Variants in AMY2B observed in about 807,000 individuals in gnomAD.
AMY2B encodes the protein amylase alpha 2B.
Under a neutral mutation model 59.3 loss-of-function variants are expected in AMY2B, and 63 were observed. The ratio of observed to expected loss-of-function variants is 1.06; its 90% CI spans 0.87 to 1.31. The LOEUF (loss-of-function observed/expected upper bound fraction) is 1.31. AMY2B is among the 50% of genes most tolerant of loss of function. The probability of loss-of-function intolerance (pLI) is 0.00; values close to 1 mark genes in which losing one functional copy is unlikely to be tolerated. For synonymous variants in AMY2B, 180 were observed against 198.1 expected (o/e 0.91, Z 0.77); for missense variants, 635 against 626.7 (o/e 1.01, Z -0.14).
upstream of AMY2B, among the ~76,000 whole-genome samples, chr1:103,566,768 C>T (rs983074953): frequency 6.6e-6 from 1 of 152,138 alleles, no homozygotes; most frequent in African/African-American, 2.4e-5. Context: ...CTGTCTGGGC[C>T]TTAGTTCCAA....
rs184920288 is a variant in AMY2B at position 103,554,875 on chromosome 1, A to G, written c.-441A>G. ...TAGTTAAAAAGATTTTGTAAATGTTATAAATCAGTTTCTTTATAAGCGGTT... is the reference window on the plus strand; with the variant it reads ...TAGTTAAAAAGATTTTGTAAATGTTGTAAATCAGTTTCTTTATAAGCGGTT... On this transcript the variant is annotated 5_prime_UTR_variant, in exon 1 of 12. Coordinates refer to the AMY2B transcript ENST00000361355. 17 of 152,600 alleles carry G rather than the reference A, an allele frequency of 1.1e-4. No individual in the cohort carries two copies. The East Asian group carries it at 2.7e-3, about 24-fold the overall frequency. The allele number at this position is 152,600 out of a possible 1,614,324, so 9.5% of individuals were successfully genotyped here.
chr1:103,566,961 A>G (rs1002233091), upstream of AMY2B, among the ~76,000 whole-genome samples: 5 of 152,206 alleles, frequency 3.3e-5, no homozygotes, highest in African/African-American at 7.2e-5. Flanking sequence ...GACAATGTCA[A>G]TCATTTTACT....
upstream of AMY2B, chr1:103,570,703 G>A (rs538408291): frequency 3.6e-6 from 2 of 555,178 alleles, no homozygotes; most frequent in Non-Finnish European, 7.2e-6. Flanking sequence ...GCTAGCAATT[G>A]CTTCATGGGT....
chr1:103,574,233 T>G (rs952940217), intron 4 of AMY2B, 27 bp from the exon 5 acceptor site: 1 of 1,611,548 alleles, frequency 6.2e-7, no homozygotes, highest in African/African-American at 1.3e-5. Context: ...TTATGCAAAA[T>G]GTTACTTTTT....
intron 9 of AMY2B, among the ~76,000 whole-genome samples, 156 bp downstream of exon 9, chr1:103,578,001 G>C (rs1218019756): frequency 6.6e-6 from 1 of 152,162 alleles, no homozygotes; most frequent in Non-Finnish European, 1.5e-5. Context: ...GTAAAAAGAT[G>C]ATGGCTGTTA....
intron 1 of AMY2B, 52 bp from the exon 2 acceptor site, chr1:103,572,058 T>C: frequency 6.2e-7 from 1 of 1,608,366 alleles, no homozygotes; most frequent in Non-Finnish European, 8.5e-7. Flanking sequence ...TCTAGAACAT[T>C]CAATGATATA....
At chr1:103,570,254 C>T (rs1273727463), upstream of AMY2B, 3 of 543,756 alleles carry the variant, frequency 5.5e-6, no homozygotes, top group Non-Finnish European at 1.1e-5. Flanking sequence ...TCCTCCTCCT[C>T]CCTGGAGAAG....
At chr1:103,566,907 G>A (rs1385108008), upstream of AMY2B, among the ~76,000 whole-genome samples, 1 of 152,004 alleles carries the variant, frequency 6.6e-6, no homozygotes, top group Non-Finnish European at 1.5e-5. Context: ...CACAATACCT[G>A]GAACCTAGAG....
At chr1:103,564,657 C>T (rs1384674894) in intron 1 of AMY2B, among the ~76,000 whole-genome samples, 2 of 152,054 alleles carry the variant, frequency 1.3e-5, no homozygotes, top group Non-Finnish European at 2.9e-5. Context: ...GTGTACACTG[C>T]CCTCTGTATA....
At chr1:103,562,915 T>C (rs768384453) in intron 1 of AMY2B, among the ~76,000 whole-genome samples, 1 of 152,010 alleles carries the variant, frequency 6.6e-6, no homozygotes, top group Non-Finnish European at 1.5e-5. Flanking sequence ...GGCTTTGAGC[T>C]AAATGATTAA....
intron 7 of AMY2B, chr1:103,575,745 G>T: frequency 1.4e-6 from 1 of 700,934 alleles, no homozygotes. Flanking sequence ...AGCCTTTTCA[G>T]ACATATGATA....
chr1:103,578,964 A>C (rs2101081539), intron 9 of AMY2B, among the ~76,000 whole-genome samples: 1 of 152,272 alleles, frequency 6.6e-6, no homozygotes. Context: ...TAACCCTTTA[A>C]ATTTTTAAAA....
upstream of AMY2B, chr1:103,569,818 C>A (rs1313510580): frequency 4.4e-6 from 2 of 453,378 alleles, no homozygotes; most frequent in Non-Finnish European, 8.9e-6. Context: ...GGCATCACAC[C>A]TTCTACAAGG....
rs752831735 is a variant in AMY2B, at chr1:103,575,410, T to A, written c.1002-31T>A. The A allele has an allele frequency of 5.6e-6, 9 of 1,613,104 alleles. No homozygotes were observed. In the South Asian group the frequency reaches 9.9e-5, roughly 18 times the overall value. On this transcript the variant is annotated intron_variant, in intron 6 of 9. Transcript: ENST00000684275. ...TAATGATGGTAATGATATTCTGATA[T>A]TCTGTGATAATATAATTATGTAACT...
At chr1:103,569,075 T>C (rs1218985265), upstream of AMY2B, 4 of 152,032 alleles carry the variant, frequency 2.6e-5, no homozygotes, top group African/African-American at 9.7e-5. Context: ...CCATGAGGTC[T>C]TGGGAGAACT....
At chr1:103,563,561 T>A (rs1419300614) in intron 1 of AMY2B, among the ~76,000 whole-genome samples, 1 of 152,146 alleles carries the variant, frequency 6.6e-6, no homozygotes, top group Admixed American at 6.6e-5. Flanking sequence ...TCAGATTGCT[T>A]GTTTGAGGTG....
At chr1:103,568,483 C>A (rs930862587), upstream of AMY2B, 1 of 152,116 alleles carries the variant, frequency 6.6e-6, no homozygotes, top group Non-Finnish European at 1.5e-5. Context: ...AATTCATGGG[C>A]TTTGAGATTT....
intron 2 of AMY2B, among the ~76,000 whole-genome samples, chr1:103,572,628 G>A (rs1449792195): frequency 6.6e-6 from 1 of 152,090 alleles, no homozygotes; most frequent in Non-Finnish European, 1.5e-5. Flanking sequence ...GTTTTTCGTG[G>A]TGACTAGCTA....
intron 1 of AMY2B, among the ~76,000 whole-genome samples, chr1:103,557,716 T>C (rs1223991337): frequency 6.6e-6 from 1 of 152,106 alleles, no homozygotes; most frequent in Non-Finnish European, 1.5e-5. Context: ...CTTAATATGG[T>C]ATTTGTATAC....
Sources: allele counts gnomAD v4.1 joint callset (sites outside exome capture counted in the v4.1 genomes callset), GRCh38; gene constraint gnomAD v4.1.1; transcripts MANE v1.5; gene names NCBI Gene and HGNC (gene_info 2026-07-23, HGNC 2026-07-21).